The following TENM3 variants were observed in gnomAD, a reference collection of about 807,000 sequenced individuals.
The protein encoded by TENM3 is teneurin transmembrane protein 3.
In TENM3, 63 loss-of-function variants were observed where a neutral mutation model predicts 255.1. The ratio of observed to expected loss-of-function variants is 0.25; its 90% confidence interval spans 0.20 to 0.30. The LOEUF is 0.30. TENM3 is among the 10% of genes least tolerant of loss of function. The probability of loss-of-function intolerance (pLI) is 1.00; values close to 1 mark genes in which losing one functional copy is unlikely to be tolerated. For missense variants in TENM3, 2,929 were observed against 3,461.1 expected (o/e 0.85, Z 3.86); for synonymous variants, 1,306 against 1,322.3 (o/e 0.99, Z 0.27).
At chr4:182,112,824 G>A in the TENM3 span, among the ~76,000 whole-genome samples, 12 of 152,272 alleles carry the variant, frequency 7.9e-5, no homozygotes, top group Non-Finnish European at 1.3e-4. Context: ...GTTTCAGCTC[G>A]ATATTGATTC....
chr4:182,350,746 G>A (rs567642086), intron 3 of TENM3, among the ~76,000 whole-genome samples: 38 of 152,102 alleles, frequency 2.5e-4, no homozygotes, highest in Non-Finnish European at 4.0e-4. Context: ...GTGCAGTGGC[G>A]TAATCTCAGC....
At chr4:181,881,216 C>T in the TENM3 span, among the ~76,000 whole-genome samples, 1 of 152,028 alleles carries the variant, frequency 6.6e-6, no homozygotes, top group African/African-American at 2.4e-5. Flanking sequence ...ATTTAGGATA[C>T]CCTTCGGGAA....
chr4:182,237,565 G>T (rs1756977733), intron 1 of TENM3, among the ~76,000 whole-genome samples: 1 of 152,030 alleles, frequency 6.6e-6, no homozygotes, highest in Admixed American at 6.6e-5. Context: ...GCCGAGGCGG[G>T]CAGATCACCT....
chr4:181,823,391 G>T, the TENM3 span, among the ~76,000 whole-genome samples: 19 of 152,036 alleles, frequency 1.2e-4, no homozygotes, highest in African/African-American at 4.3e-4. Context: ...TGTCATGAAA[G>T]AGCTACTGTG....
the TENM3 span, among the ~76,000 whole-genome samples, chr4:181,492,555 T>G: frequency 1.3e-5 from 2 of 152,238 alleles, no homozygotes; most frequent in Non-Finnish European, 2.9e-5. Flanking sequence ...GGTGCTTCTT[T>G]TAAAATATTA....
intron 1 of TENM3, among the ~76,000 whole-genome samples, chr4:182,303,337 C>T (rs1407903953): frequency 6.6e-6 from 1 of 152,218 alleles, no homozygotes; most frequent in Non-Finnish European, 1.5e-5. Context: ...GGACGTGCCA[C>T]TGACTGGTTG....
the TENM3 span, among the ~76,000 whole-genome samples, chr4:181,819,056 C>T: frequency 6.6e-6 from 1 of 152,166 alleles, no homozygotes; most frequent in South Asian, 2.1e-4. Context: ...GCCTCTGGCT[C>T]TTCACTTGCC....
At chr4:182,295,311 A>G (rs1020556895) in intron 1 of TENM3, among the ~76,000 whole-genome samples, 1 of 123,626 alleles carries the variant, frequency 8.1e-6, no homozygotes, top group Non-Finnish European at 1.6e-5. Flanking sequence ...TCTGTCTCCC[A>G]GACTGGAGTG....
chr4:181,757,302 G>A, the TENM3 span, among the ~76,000 whole-genome samples: 1 of 152,116 alleles, frequency 6.6e-6, no homozygotes, highest in East Asian at 1.9e-4. Flanking sequence ...GTCATCTCAT[G>A]GGAATTCTCC....
At chr4:182,587,904 G>C (rs1168402706) in intron 3 of TENM3, among the ~76,000 whole-genome samples, 1 of 151,922 alleles carries the variant, frequency 6.6e-6, no homozygotes, top group Non-Finnish European at 1.5e-5. Context: ...TAAAATAAAG[G>C]TATTATTTTT....
Position 182,789,303 on chromosome 4 carries a change from G to A in TENM3, c.5515G>A (p.Glu1839Lys), listed in dbSNP as rs201172018. 71 of 1,613,816 alleles carry A rather than the reference G, an allele frequency of 4.4e-5. No homozygotes were observed. Among genetic ancestry groups the A allele is most frequent in the South Asian group, 4.4e-5 (4 of 90,984 alleles). Residue 1839 changes from glutamate (E) to lysine (K), a missense_variant, in exon 25 of 28, where the codon GAG (glutamate) becomes AAG (lysine). By Grantham distance (56) the Glu-to-Lys change is moderately conservative. This residue lies in a region of TENM3 where 303 missense variants were observed against 425.2 expected (regional missense o/e 0.71). Coordinates refer to ENST00000511685, the MANE Select transcript of TENM3 (RefSeq NM_001080477.4). The surrounding 1 kb of genome is among the most constrained non-coding windows in gnomAD (Gnocchi z 4.4). ...CAGCATCCAGCGAGGCACCACTAGC[G>A]AGAAAGTAGATTATGACGGACAGGG... Reference protein sequence around the residue: ...IASIQRGTTSEKVDYDGQGRI... With the variant: ...IASIQRGTTSKKVDYDGQGRI...
intron 3 of TENM3, among the ~76,000 whole-genome samples, chr4:182,365,104 C>A (rs769998770): frequency 2.0e-5 from 3 of 152,188 alleles, no homozygotes; most frequent in Non-Finnish European, 4.4e-5. Flanking sequence ...GACAATTGGA[C>A]CGATGAAACG....
At chr4:182,786,923 G>GA (rs1765707176) in intron 24 of TENM3, among the ~76,000 whole-genome samples, 1 of 152,158 alleles carries the variant, frequency 6.6e-6, no homozygotes, top group East Asian at 1.9e-4. Context: ...AGAGCCCTAA[G>GA]AAAACCATTT....
At chr4:181,915,270 T>G in the TENM3 span, among the ~76,000 whole-genome samples, 1 of 152,188 alleles carries the variant, frequency 6.6e-6, no homozygotes. Flanking sequence ...GCTACTGTTA[T>G]GTTTTAGAGT....
the TENM3 span, among the ~76,000 whole-genome samples, chr4:181,848,660 C>A: frequency 2.6e-5 from 4 of 152,182 alleles, no homozygotes; most frequent in East Asian, 5.8e-4. Flanking sequence ...TACTGAGATT[C>A]TTGGTGGTAA....
At chr4:182,063,621 A>AT in the TENM3 span, among the ~76,000 whole-genome samples, 3,861 of 152,254 alleles carry the variant, frequency 0.025, 153 homozygotes, top group African/African-American at 0.087. Context: ...TATATAACAA[A>AT]TTTTTTCCCC....
the TENM3 span, among the ~76,000 whole-genome samples, chr4:181,648,816 A>G: frequency 3.3e-5 from 5 of 152,300 alleles, no homozygotes; most frequent in South Asian, 1.0e-3. Context: ...GCCTGAGCCA[A>G]GACCACCCAT....
chr4:182,711,191 T>A (rs1347470015), intron 12 of TENM3, among the ~76,000 whole-genome samples: 5 of 152,212 alleles, frequency 3.3e-5, no homozygotes, highest in African/African-American at 1.2e-4. Context: ...TATTAACTTT[T>A]AAAGTTTCAT....
chr4:181,794,985 T>C, the TENM3 span, among the ~76,000 whole-genome samples: 1 of 152,166 alleles, frequency 6.6e-6, no homozygotes, highest in African/African-American at 2.4e-5. Flanking sequence ...GTAATTCGGA[T>C]TGGGAAACTG....
Sources: gnomAD v4.1 joint callset for allele counts (sites outside exome capture counted in the v4.1 genomes callset) on GRCh38, gnomAD v4.1.1 for gene constraint, gnomAD v4.1.1 regional missense constraint, Gnocchi (gnomAD v3.1) non-coding constraint, MANE v1.5 for transcripts, NCBI Gene and HGNC (gene_info 2026-07-23, HGNC 2026-07-21) for gene names.